Variants in AKAP13 observed in about 807,000 individuals in gnomAD.
The protein encoded by AKAP13 is A-kinase anchoring protein 13.
A neutral mutation model predicts 264.5 loss-of-function variants in AKAP13; 80 were observed. The ratio of observed to expected loss-of-function variants is 0.30; its 90% CI spans 0.25 to 0.36. The LOEUF (loss-of-function observed/expected upper bound fraction) is 0.36, where lower values mean the gene tolerates loss of function less well. Ranked by LOEUF, AKAP13 falls within the 10% of genes least tolerant of loss-of-function variation. AKAP13 has a pLI of 1.00. For missense variants in AKAP13, 3,712 were observed against 3,435.2 expected (o/e 1.08, Z -2.01); for synonymous variants, 1,380 against 1,250.2 (o/e 1.10, Z -2.19).
intron 1 of AKAP13, among the ~76,000 whole-genome samples, chr15:85,466,008 G>A (rs1172827241): frequency 6.6e-6 from 1 of 151,958 alleles, no homozygotes; most frequent in Non-Finnish European, 1.5e-5. Context: ...ATCCTCTCCA[G>A]CACCTGTTGT....
intron 16 of AKAP13, among the ~76,000 whole-genome samples, chr15:85,686,104 T>G (rs1458393720): frequency 2.0e-5 from 3 of 151,678 alleles, no homozygotes; most frequent in Admixed American, 6.6e-5. Flanking sequence ...CATAAGTAAA[T>G]AAAAATTTGA....
At chr15:85,385,123 A>C (rs1415709339) in intron 1 of AKAP13, among the ~76,000 whole-genome samples, 1 of 152,214 alleles carries the variant, frequency 6.6e-6, no homozygotes, top group Non-Finnish European at 1.5e-5. Flanking sequence ...AGACCATGTG[A>C]TCTGCAAAGC....
rs1036883842 is a variant in AKAP13, at chr15:85,477,113, C to G, written c.-11-8597C>G. 2.0e-5 allele frequency among the ~76,000 whole-genome samples: 3 copies of G among 151,840 alleles called. No individual in the cohort carries two copies. The South Asian group carries it at 6.2e-4, about 31-fold the overall frequency. On this transcript the variant is annotated intron_variant, in intron 1 of 36. Coordinates refer to ENST00000394518, the MANE Select transcript of AKAP13 (RefSeq NM_007200.5). Reference sequence around the variant, plus strand: ...ATTTGAGTGCCATGCCCTAGAACTCCCTAAAGTAAAGGCACTGGTATCCCA... The same window carrying G: ...ATTTGAGTGCCATGCCCTAGAACTCGCTAAAGTAAAGGCACTGGTATCCCA...
chr15:85,530,192 C>T (rs2077203180), intron 3 of AKAP13, among the ~76,000 whole-genome samples: 1 of 152,166 alleles, frequency 6.6e-6, no homozygotes, highest in East Asian at 1.9e-4. Context: ...ACCCATCCCG[C>T]GTTGTTCTGT....
chr15:85,664,500 G>T, intron 12 of AKAP13, 63 bp from the exon 13 acceptor site: 1 of 1,492,160 alleles, frequency 6.7e-7, no homozygotes, highest in South Asian at 1.3e-5. Flanking sequence ...AAGGGATTTT[G>T]TGTCCTCCTT....
chr15:85,741,594 G>A (rs2088966945), intron 35 of AKAP13, 99 bp downstream of exon 35: 1 of 1,427,380 alleles, frequency 7.0e-7, no homozygotes, highest in East Asian at 2.6e-5. Context: ...TATAGAGCCT[G>A]TTTTTGGCCA....
At chr15:85,738,327 G>A (rs893550930) in intron 33 of AKAP13, among the ~76,000 whole-genome samples, 2 of 151,842 alleles carry the variant, frequency 1.3e-5, no homozygotes, top group Non-Finnish European at 2.9e-5. Flanking sequence ...AGGAGGTGGA[G>A]GTTGCAGTGG....
At chr15:85,725,023 C>A (rs920825841) in intron 26 of AKAP13, among the ~76,000 whole-genome samples, 3 of 152,132 alleles carry the variant, frequency 2.0e-5, no homozygotes, top group African/African-American at 7.2e-5. Flanking sequence ...AATACCTGCC[C>A]CTTCTTGTAA....
chr15:85,456,733 G>A (rs1045929857), intron 1 of AKAP13, among the ~76,000 whole-genome samples: 1 of 152,130 alleles, frequency 6.6e-6, no homozygotes, highest in East Asian at 1.9e-4. Context: ...TATATTTTTA[G>A]TAGAGATGGG....
At chr15:85,705,455 GAAAA>G in intron 17 of AKAP13, among the ~76,000 whole-genome samples, 1 of 151,452 alleles carries the variant, frequency 6.6e-6, no homozygotes, top group South Asian at 2.1e-4. Flanking sequence ...TAAAACAAAA[GAAAA>G]AAAATATACT....
intron 8 of AKAP13, among the ~76,000 whole-genome samples, chr15:85,599,883 A>G (rs1470313214): frequency 6.6e-6 from 1 of 152,212 alleles, no homozygotes; most frequent in Non-Finnish European, 1.5e-5. Flanking sequence ...TTTTAAAAAA[A>G]TTAAGAAATA....
chr15:85,664,166 G>A (rs1381072640), intron 12 of AKAP13, among the ~76,000 whole-genome samples: 1 of 152,120 alleles, frequency 6.6e-6, no homozygotes, highest in Non-Finnish European at 1.5e-5. Flanking sequence ...ACTTAAGCTC[G>A]TATTTTCTCT....
Position 85,744,823 on chromosome 15 carries a change from T to C in AKAP13, c.*146T>C. The stretch of plus-strand genomic sequence containing the variant: ...CTGGGCGGCCCCAGGTCCTGGACAA[T>C]AAGCAACAGATGATATTGAGTGTCG... On this transcript the variant is annotated 3_prime_UTR_variant, in exon 37 of 37. Coordinates refer to ENST00000394518, the MANE Select transcript of AKAP13 (RefSeq NM_007200.5). 8 of 652,544 alleles carry C rather than the reference T, an allele frequency of 1.2e-5. No homozygotes were observed. Among genetic ancestry groups the C allele is most frequent in the Non-Finnish European group, 2.0e-5 (8 of 391,080 alleles). The allele number at this position is 652,544 out of a possible 1,614,324, so 40.4% of individuals were successfully genotyped here.
At chr15:85,502,117 G>A (rs1248101048) in intron 2 of AKAP13, among the ~76,000 whole-genome samples, 1 of 152,140 alleles carries the variant, frequency 6.6e-6, no homozygotes, top group African/African-American at 2.4e-5. Flanking sequence ...GGGATGGGGT[G>A]AAAAATTGCA....
chr15:85,538,964 G>C (rs1028178351), intron 4 of AKAP13, among the ~76,000 whole-genome samples: 4 of 150,316 alleles, frequency 2.7e-5, no homozygotes, highest in African/African-American at 9.8e-5. Flanking sequence ...TTGAGTAGCT[G>C]GGACTACAGG....
intron 5 of AKAP13, among the ~76,000 whole-genome samples, chr15:85,546,848 A>G (rs577488920): frequency 4.0e-5 from 6 of 151,874 alleles, no homozygotes; most frequent in East Asian, 1.9e-4. Flanking sequence ...GGCTCAAGCA[A>G]TTCTTCTGCC....
chr15:85,449,490 G>A (rs139316368), intron 1 of AKAP13, among the ~76,000 whole-genome samples: 205 of 152,248 alleles, frequency 1.3e-3, no homozygotes, highest in South Asian at 4.1e-4. Flanking sequence ...GAGAGAGGGC[G>A]TCTTTGTCTT....
chr15:85,723,051 G>C (rs1466368285), intron 25 of AKAP13, 21 bp from the exon 26 acceptor site: 1 of 1,607,160 alleles, frequency 6.2e-7, no homozygotes. Flanking sequence ...ATAAAAAACA[G>C]AATTATTCTT....
intron 1 of AKAP13, among the ~76,000 whole-genome samples, chr15:85,447,100 C>T (rs902270122): frequency 1.3e-5 from 2 of 152,070 alleles, no homozygotes; most frequent in African/African-American, 4.8e-5. Flanking sequence ...AACTCCATCT[C>T]TACCAAAAAT....
Sources: allele counts gnomAD v4.1 joint callset (sites outside exome capture counted in the v4.1 genomes callset), GRCh38; gene constraint gnomAD v4.1.1; transcripts MANE v1.5; gene names NCBI Gene and HGNC (gene_info 2026-07-23, HGNC 2026-07-21).